LRRC4C: variants seen among roughly 807,000 people sequenced by gnomAD.
LRRC4C encodes the protein leucine-rich repeat-containing protein 4C.
Under a neutral mutation model 33.6 loss-of-function variants are expected in LRRC4C, and 5 were observed. That is an observed-to-expected ratio of 0.15 (90% CI 0.08 to 0.31). LRRC4C has a LOEUF of 0.31. Ranked by LOEUF, LRRC4C falls within the 10% of genes least tolerant of loss-of-function variation. The probability of loss-of-function intolerance (pLI) is 1.00; values close to 1 mark genes in which losing one functional copy is unlikely to be tolerated. For missense variants in LRRC4C, 560 were observed against 796.7 expected, an observed-to-expected ratio of 0.70 and a Z score of 3.58; for synonymous variants, 329 against 302.0, an observed-to-expected ratio of 1.09 and a Z score of -0.93.
chr11:41,303,302 C>T (rs1403966637), intron 1 of LRRC4C, among the ~76,000 whole-genome samples: 22 of 136,514 alleles, frequency 1.6e-4, no homozygotes, highest in African/African-American at 5.6e-4. Flanking sequence ...TTGGCCGGGC[C>T]GGTCTCCAGC....
chr11:40,443,145 G>A (rs1460901599), intron 3 of LRRC4C, among the ~76,000 whole-genome samples: 1 of 152,120 alleles, frequency 6.6e-6, no homozygotes, highest in African/African-American at 2.4e-5. Flanking sequence ...TCTGGCTGTA[G>A]TCTGTATTTT....
intron 1 of LRRC4C, among the ~76,000 whole-genome samples, chr11:41,331,644 T>C (rs759440175): frequency 1.3e-5 from 2 of 152,170 alleles, no homozygotes; most frequent in Non-Finnish European, 2.9e-5. Context: ...CCTGACAATC[T>C]TTTCACTTGG....
At chr11:41,225,443 A>G (rs1947487631) in intron 1 of LRRC4C, among the ~76,000 whole-genome samples, 2 of 152,126 alleles carry the variant, frequency 1.3e-5, no homozygotes, top group Admixed American at 6.6e-5. Context: ...GCCCACAAAA[A>G]TTAGAAAAAA....
intron 3 of LRRC4C, among the ~76,000 whole-genome samples, chr11:40,556,388 T>C (rs1013940065): frequency 6.6e-6 from 1 of 152,212 alleles, no homozygotes; most frequent in African/African-American, 2.4e-5. Flanking sequence ...AGACAGAATG[T>C]AGAAAGAGAA....
At chr11:40,221,656 C>T (rs916009096) in intron 5 of LRRC4C, among the ~76,000 whole-genome samples, 1 of 152,028 alleles carries the variant, frequency 6.6e-6, no homozygotes, top group Admixed American at 6.6e-5. Flanking sequence ...AGCAGACAGC[C>T]CGGCGCCACA....
At chr11:40,237,108 C>G (rs1865618155) in intron 5 of LRRC4C, among the ~76,000 whole-genome samples, 1 of 152,164 alleles carries the variant, frequency 6.6e-6, no homozygotes, top group South Asian at 2.1e-4. Context: ...GTACTCATCA[C>G]AAGTCCATAT....
At chr11:41,431,321 T>C (rs1000751903) in intron 1 of LRRC4C, among the ~76,000 whole-genome samples, 1 of 151,892 alleles carries the variant, frequency 6.6e-6, no homozygotes, top group Non-Finnish European at 1.5e-5. Context: ...TTCAAGAGCC[T>C]CATAATCTCA....
rs1957875928 is a variant in LRRC4C at position 40,936,044 on chromosome 11, AT to A, written c.-495-2322del. Among the ~76,000 whole-genome samples the A allele has an allele frequency of 2.8e-4, 20 of 71,854 alleles. 2 individuals are homozygous for A. Among genetic ancestry groups the A allele is most frequent in the East Asian group, 1.2e-3 (3 of 2,556 alleles). The allele number at this position is 71,854 out of a possible 152,430, so 47.1% of individuals were successfully genotyped here. ...TATATATATATATATATATATATATATATATATATATATATATATATAACAT... is the reference window on the plus strand; with the variant it reads ...TATATATATATATATATATATATATAATATATATATATATATATATAACAT... On this transcript the variant is annotated intron_variant, in intron 1 of 6. Coordinates refer to ENST00000528697, the MANE Select transcript of LRRC4C (RefSeq NM_001258419.2).
intron 3 of LRRC4C, among the ~76,000 whole-genome samples, chr11:40,517,341 T>C (rs1955604229): frequency 1.3e-5 from 2 of 152,160 alleles, no homozygotes; most frequent in African/African-American, 4.8e-5. Context: ...AACATTACTC[T>C]GGAAGGCATT....
chr11:40,763,437 C>T (rs1949317696), intron 2 of LRRC4C, among the ~76,000 whole-genome samples: 1 of 152,066 alleles, frequency 6.6e-6, no homozygotes, highest in Non-Finnish European at 1.5e-5. Context: ...CCACTGCTGC[C>T]CAACAGGAAC....
intron 3 of LRRC4C, among the ~76,000 whole-genome samples, chr11:40,545,315 C>T (rs1956869672): frequency 6.6e-6 from 1 of 152,006 alleles, no homozygotes; most frequent in African/African-American, 2.4e-5. Context: ...GAATTAATAA[C>T]TGAATGAACC....
intron 3 of LRRC4C, among the ~76,000 whole-genome samples, chr11:40,544,862 A>G (rs1466849046): frequency 6.6e-6 from 1 of 152,018 alleles, no homozygotes; most frequent in Non-Finnish European, 1.5e-5. Context: ...GGGTTAATAC[A>G]TGGTCAGAAT....
At chr11:40,174,726 G>T (rs1253753739) in intron 5 of LRRC4C, among the ~76,000 whole-genome samples, 1 of 152,074 alleles carries the variant, frequency 6.6e-6, no homozygotes, top group Non-Finnish European at 1.5e-5. Context: ...TGAAGACAAA[G>T]AAAAAAGTGC....
intron 3 of LRRC4C, among the ~76,000 whole-genome samples, chr11:40,469,539 A>C (rs1952822643): frequency 6.6e-6 from 1 of 151,724 alleles, no homozygotes; most frequent in Admixed American, 6.6e-5. Flanking sequence ...AGAACTGTTC[A>C]CTCCCCTGGA....
chr11:40,377,671 C>T (rs144394312), intron 3 of LRRC4C, among the ~76,000 whole-genome samples: 1 of 151,876 alleles, frequency 6.6e-6, no homozygotes, highest in South Asian at 2.1e-4. Flanking sequence ...TTCTTCTAAG[C>T]AAAATTCTGA....
At chr11:40,742,119 C>T (rs1220592780) in intron 2 of LRRC4C, among the ~76,000 whole-genome samples, 1 of 151,974 alleles carries the variant, frequency 6.6e-6, no homozygotes, top group Non-Finnish European at 1.5e-5. Context: ...TTCAAATCAG[C>T]CCAAATCCTG....
At position 40,609,998 on chromosome 11, in the gene LRRC4C, G is replaced by A. The variant is rs572651763; in HGVS notation, c.-270+38144C>T. Reference sequence around the variant, plus strand: ...ATTAATGCCAACCCTCCTTAAATTCGTCCAAAAAATCGAAAAAGAGGCAAC... The same window carrying A: ...ATTAATGCCAACCCTCCTTAAATTCATCCAAAAAATCGAAAAAGAGGCAAC... On this transcript the variant is annotated intron_variant, in intron 3 of 6. Transcript: ENST00000528697. Among the ~76,000 whole-genome samples, 7 of 151,772 alleles carry A rather than the reference G, an allele frequency of 4.6e-5. No individual in the cohort carries two copies. The East Asian group carries it at 5.8e-4, about 13-fold the overall frequency.
At position 40,509,533 on chromosome 11, in the gene LRRC4C, T is replaced by C. The variant is rs142651674; in HGVS notation, c.-270+138609A>G. On this transcript the variant is annotated intron_variant, in intron 3 of 6. Coordinates refer to ENST00000528697, the MANE Select transcript of LRRC4C (RefSeq NM_001258419.2). ...TTATTTTTTTTTGCGAAATGACCAA[T>C]GAGAGAAAGTCTATTTTCACTTGTC... 6.7e-3 allele frequency among the ~76,000 whole-genome samples: 1,014 copies of C among 152,140 alleles called. 8 individuals carry two copies. The highest frequency in any genetic ancestry group is 0.023 in the African/African-American group (974 of 41,512).
intron 1 of LRRC4C, chr11:41,426,278 G>A (rs1215065282): frequency 3.3e-5 from 5 of 152,160 alleles, no homozygotes; most frequent in East Asian, 1.9e-4. Context: ...AGCTTTTGAT[G>A]CCTCATGTTC....
Sources: gnomAD v4.1 joint callset for allele counts (sites outside exome capture counted in the v4.1 genomes callset) on GRCh38, gnomAD v4.1.1 for gene constraint, MANE v1.5 for transcripts, NCBI Gene and HGNC (gene_info 2026-07-23, HGNC 2026-07-21) for gene names.